LRRC31: variants seen among roughly 807,000 people sequenced by gnomAD.
LRRC31 encodes the protein leucine-rich repeat-containing protein 31.
A neutral mutation model predicts 46.7 loss-of-function variants in LRRC31; 35 were observed. The observed-to-expected ratio is 0.75, with a 90% CI of 0.57 to 0.99. LRRC31 has a LOEUF of 0.99. LRRC31 is among the 50% of genes least tolerant of loss of function. The pLI, the probability that LRRC31 is intolerant of heterozygous loss-of-function variation, is 0.00. For synonymous variants in LRRC31, 236 were observed against 235.1 expected, an observed-to-expected ratio of 1.00 and a Z score of -0.03; for missense variants, 613 against 626.1, an observed-to-expected ratio of 0.98 and a Z score of 0.22.
chr3:169,853,205 G>A, intron 6 of LRRC31: 1 of 985,018 alleles, frequency 1.0e-6, no homozygotes, highest in Non-Finnish European at 1.2e-6. Context: ...CACACCATTA[G>A]AGGATTCATC....
intron 1 of LRRC31, among the ~76,000 whole-genome samples, chr3:169,862,226 G>A (rs965780422): frequency 3.3e-5 from 5 of 152,218 alleles, no homozygotes; most frequent in African/African-American, 1.2e-4. Flanking sequence ...AGGTGAAGAA[G>A]GGAAAGCGTT....
rs1476379559 is a variant in LRRC31 at position 169,856,510 on chromosome 3, G to C, written c.656-7C>G. 6.3e-7 allele frequency: 1 copy of C among 1,586,238 alleles called. No homozygotes were observed. The highest frequency in any genetic ancestry group is 8.6e-7 in the Non-Finnish European group (1 of 1,167,972). On this transcript the variant is annotated splice_polypyrimidine_tract_variant and splice_region_variant and intron_variant, in intron 4 of 8. Coordinates refer to ENST00000316428, the MANE Select transcript of LRRC31 (RefSeq NM_024727.4). ...AGCATAGGTAGCAGTTGACCTAGAAGGAAAGAAATCCAAATAAGAAGGGTA... is the reference window on the plus strand; with the variant it reads ...AGCATAGGTAGCAGTTGACCTAGAACGAAAGAAATCCAAATAAGAAGGGTA...
chr3:169,843,141 C>T (rs1380313696), intron 8 of LRRC31, among the ~76,000 whole-genome samples: 5 of 152,122 alleles, frequency 3.3e-5, no homozygotes, highest in Admixed American at 1.3e-4. Flanking sequence ...AGAATTTCCT[C>T]CTACTGCTGG....
Position 169,861,657 on chromosome 3 carries a change from G to A in LRRC31, c.319+13C>T, listed in dbSNP as rs761196103. The A allele has an allele frequency of 1.2e-5, 20 of 1,613,096 alleles. No individual in the cohort carries two copies. In the South Asian group the frequency reaches 2.0e-4, roughly 16 times the overall value. On this transcript the variant is annotated intron_variant, in intron 2 of 8. Coordinates refer to ENST00000316428, the MANE Select transcript of LRRC31 (RefSeq NM_024727.4). ...CCCTATCTTCCTCTATGCAAAGTCTGCTGCATACAGACCCATTTCTTTCAT... is the reference window on the plus strand; with the variant it reads ...CCCTATCTTCCTCTATGCAAAGTCTACTGCATACAGACCCATTTCTTTCAT...
At chr3:169,864,067 T>G (rs1405110987) in intron 1 of LRRC31, among the ~76,000 whole-genome samples, 1 of 152,116 alleles carries the variant, frequency 6.6e-6, no homozygotes, top group Non-Finnish European at 1.5e-5. Context: ...GCATTGCATC[T>G]TATTGCTGTC....
chr3:169,849,798 A>G (rs1195503096), intron 7 of LRRC31, among the ~76,000 whole-genome samples: 7 of 152,130 alleles, frequency 4.6e-5, no homozygotes, highest in Non-Finnish European at 5.9e-5. Context: ...AGAAAAGCTC[A>G]TGTTCAGCAT....
chr3:169,846,446 T>C (rs543290520), intron 8 of LRRC31, among the ~76,000 whole-genome samples: 19 of 152,260 alleles, frequency 1.2e-4, no homozygotes, highest in South Asian at 8.3e-4. Context: ...GGTCAGGTGT[T>C]TGAGACCAGC....
In LRRC31 at chr3:169,851,697, T is replaced by A; in HGVS notation, c.1081A>T (p.Arg361Trp). The A allele has an allele frequency of 6.2e-7, 1 of 1,614,182 alleles. No individual in the cohort carries two copies. The change falls in exon 7 of 9, where the codon AGG becomes TGG. Residue 361 changes from arginine to tryptophan, a missense_variant. Arg to Trp is a moderately radical substitution (Grantham distance 101). Transcript: ENST00000316428. ...TTCAATGCTGGTAAAAATCGGAGCC[T>A]GCTGAGTAAGTTTTCAGAAGAACTG... ...MGSSSENLLS[R>W]LRFLPALKSL...
intron 2 of LRRC31, among the ~76,000 whole-genome samples, chr3:169,861,261 G>T (rs1464071474): frequency 6.6e-6 from 1 of 150,932 alleles, no homozygotes; most frequent in Non-Finnish European, 1.5e-5. Context: ...TAGAGACGGG[G>T]TTTCACCATC....
intron 1 of LRRC31, among the ~76,000 whole-genome samples, chr3:169,864,576 C>A (rs1781272963): frequency 6.6e-6 from 1 of 152,204 alleles, no homozygotes; most frequent in Admixed American, 6.5e-5. Flanking sequence ...TGGTAATCTG[C>A]AGGGCCTTTT....
intron 8 of LRRC31, among the ~76,000 whole-genome samples, chr3:169,845,824 T>A (rs993933127): frequency 6.6e-6 from 1 of 151,992 alleles, no homozygotes; most frequent in African/African-American, 2.4e-5. Context: ...ACAAAAAAAC[T>A]CTATTCATCA....
chr3:169,841,641 G>A (rs1780451677), intron 8 of LRRC31, among the ~76,000 whole-genome samples: 1 of 152,222 alleles, frequency 6.6e-6, no homozygotes, highest in African/African-American at 2.4e-5. Flanking sequence ...AAAAAGTAGA[G>A]AGAATAGGAG....
chr3:169,849,755 G>A (rs980402491), intron 7 of LRRC31, among the ~76,000 whole-genome samples: 8 of 152,180 alleles, frequency 5.3e-5, no homozygotes, highest in South Asian at 2.1e-4. Flanking sequence ...GCTACCCTCC[G>A]CTCAGCATAC....
chr3:169,860,479 C>T, intron 3 of LRRC31, 82 bp downstream of exon 3: 5 of 1,428,902 alleles, frequency 3.5e-6, no homozygotes, highest in Non-Finnish European at 4.9e-6. Flanking sequence ...CCGCCAGCCT[C>T]AGCCTCCCAA....
At chr3:169,855,445 C>A (rs1396250245) in intron 5 of LRRC31, among the ~76,000 whole-genome samples, 3 of 152,186 alleles carry the variant, frequency 2.0e-5, no homozygotes. Context: ...CTAAGATCTG[C>A]ATACATTGCC....
intron 8 of LRRC31, among the ~76,000 whole-genome samples, chr3:169,844,289 A>C (rs957558350): frequency 3.9e-5 from 6 of 152,220 alleles, no homozygotes; most frequent in African/African-American, 1.4e-4. Context: ...AACATTAAAA[A>C]ATCAGCTAAT....
intron 8 of LRRC31, among the ~76,000 whole-genome samples, chr3:169,845,929 G>A (rs540714110): frequency 6.6e-6 from 1 of 152,218 alleles, no homozygotes; most frequent in African/African-American, 2.4e-5. Context: ...GACAGACCCA[G>A]AGAAAATAAT....
intron 3 of LRRC31, among the ~76,000 whole-genome samples, chr3:169,858,810 C>A (rs1239379706): frequency 7.2e-5 from 11 of 151,956 alleles, no homozygotes; most frequent in African/African-American, 2.7e-4. Context: ...TCAAAACCAG[C>A]CTGGCCAGCA....
At chr3:169,868,959 A>G (rs549227852) in intron 1 of LRRC31, among the ~76,000 whole-genome samples, 1 of 152,076 alleles carries the variant, frequency 6.6e-6, no homozygotes, top group Non-Finnish European at 1.5e-5. Flanking sequence ...AATAGAATAT[A>G]TAAGATCTAC....
Sources: allele counts gnomAD v4.1 joint callset (sites outside exome capture counted in the v4.1 genomes callset), GRCh38; gene constraint gnomAD v4.1.1; transcripts MANE v1.5; gene names NCBI Gene and HGNC (gene_info 2026-07-23, HGNC 2026-07-21).